The following MBD5 variants were observed in gnomAD, a reference collection of about 807,000 sequenced individuals.
MBD5 encodes methyl-CpG-binding domain protein 5.
MBD5 carries 13 observed loss-of-function variants against 117.3 expected under a neutral mutation model. The observed-to-expected ratio is 0.11, with a 90% CI of 0.07 to 0.18. The LOEUF is 0.18. Among genes scored for constraint, MBD5 ranks in the 10% least tolerant of loss-of-function variants. The pLI is 1.00. For missense variants in MBD5, 1,879 were observed against 2,093.8 expected, an observed-to-expected ratio of 0.90 and a Z score of 2.00; for synonymous variants, 727 against 766.4, an observed-to-expected ratio of 0.95 and a Z score of 0.85.
At chr2:148,295,958 AAC>A (rs1174373713) in intron 3 of MBD5, 1 of 159,772 alleles carries the variant, frequency 6.3e-6, no homozygotes, top group East Asian at 1.9e-4. Context: ...TATTTGCTAC[AAC>A]ACTCTTCACA....
chr2:148,040,537 A>G (rs2105673511), intron 1 of MBD5, among the ~76,000 whole-genome samples: 1 of 152,346 alleles, frequency 6.6e-6, no homozygotes, highest in Non-Finnish European at 1.5e-5. Flanking sequence ...TATTTATATC[A>G]TTAATTCATA....
chr2:148,266,787 T>C (rs1038999556), intron 3 of MBD5, among the ~76,000 whole-genome samples: 1 of 152,140 alleles, frequency 6.6e-6, no homozygotes, highest in Admixed American at 6.6e-5. Flanking sequence ...ACAATTTATC[T>C]GAAGAAAACT....
At chr2:148,356,016 T>C (rs1282372870) in intron 4 of MBD5, among the ~76,000 whole-genome samples, 1 of 152,222 alleles carries the variant, frequency 6.6e-6, no homozygotes, top group Non-Finnish European at 1.5e-5. Flanking sequence ...TTTGTAGTTC[T>C]ACTTGAAGAG....
At chr2:148,147,838 C>T (rs985220953) in intron 1 of MBD5, among the ~76,000 whole-genome samples, 1 of 152,080 alleles carries the variant, frequency 6.6e-6, no homozygotes, top group Non-Finnish European at 1.5e-5. Flanking sequence ...ACTACTCTGT[C>T]TTAGCCTTAG....
chr2:148,392,513 G>A (rs1704596521), intron 4 of MBD5, among the ~76,000 whole-genome samples: 2 of 152,182 alleles, frequency 1.3e-5, no homozygotes, highest in Non-Finnish European at 2.9e-5. Flanking sequence ...GCTACTGTTT[G>A]AGAGCCACTT....
chr2:148,393,750 T>C (rs1574375025), intron 4 of MBD5, among the ~76,000 whole-genome samples: 1 of 152,160 alleles, frequency 6.6e-6, no homozygotes, highest in Admixed American at 6.5e-5. Context: ...TTACCAACTT[T>C]GATAGACACA....
chr2:148,235,070 G>A (rs1400867101), intron 3 of MBD5, among the ~76,000 whole-genome samples: 2 of 152,012 alleles, frequency 1.3e-5, no homozygotes, highest in Non-Finnish European at 2.9e-5. Flanking sequence ...TGCAGTTTTT[G>A]CATATAACTC....
At chr2:148,172,255 G>A (rs1370033954) in intron 1 of MBD5, among the ~76,000 whole-genome samples, 3 of 152,226 alleles carry the variant, frequency 2.0e-5, no homozygotes, top group Admixed American at 6.5e-5. Flanking sequence ...TCAGAAGCCT[G>A]GGAAGCCCAC....
At chr2:148,224,965 G>A (rs956523640) in intron 2 of MBD5, among the ~76,000 whole-genome samples, 1 of 151,944 alleles carries the variant, frequency 6.6e-6, no homozygotes, top group Non-Finnish European at 1.5e-5. Context: ...TATAGGTGAA[G>A]TGTATTTCTC....
At chr2:148,109,466 A>G (rs1216869399) in intron 1 of MBD5, among the ~76,000 whole-genome samples, 2 of 152,194 alleles carry the variant, frequency 1.3e-5, no homozygotes, top group Non-Finnish European at 2.9e-5. Context: ...AATAGCCATG[A>G]TATATAGCAA....
intron 2 of MBD5, 72 bp downstream of exon 2, chr2:148,178,865 G>A (rs1360251755): frequency 2.5e-6 from 1 of 395,302 alleles, no homozygotes; most frequent in Non-Finnish European, 4.5e-6. Flanking sequence ...AATTCGACTT[G>A]TTAAACTTGT....
intron 3 of MBD5, among the ~76,000 whole-genome samples, chr2:148,234,494 C>A (rs1700051684): frequency 6.6e-6 from 1 of 152,116 alleles, no homozygotes; most frequent in African/African-American, 2.4e-5. Flanking sequence ...TCAATTTATT[C>A]TGCAACTTTT....
At position 148,468,775 on chromosome 2, in the gene MBD5, G is replaced by C. The variant is rs531157663; in HGVS notation, c.832G>C (p.Val278Leu). The C allele has an allele frequency of 6.2e-7, 1 of 1,613,886 alleles. No individual in the cohort carries two copies. Among genetic ancestry groups the C allele is most frequent in the African/African-American group, 1.3e-5 (1 of 74,992 alleles). ...LNRTPLSPPSVMLHGSPVQSS... is the reference protein window; with the variant it reads ...LNRTPLSPPSLMLHGSPVQSS... ...TAGGACTCCTCTTTCTCCACCTTCA[G>C]TAATGCTACATGGTTCTCCTGTACA... The change falls in exon 8 of 14, where the codon GTA becomes CTA. Residue 278 changes from valine (V) to leucine (L), a missense_variant. By Grantham distance (32) the Val-to-Leu change is conservative. This residue lies in a region of MBD5 where 1,666 missense variants were observed against 1,792.2 expected (regional missense o/e 0.93). Transcript: ENST00000642680.
intron 3 of MBD5, among the ~76,000 whole-genome samples, chr2:148,323,307 T>C (rs375399523): frequency 1.1e-4 from 17 of 152,148 alleles, no homozygotes; most frequent in African/African-American, 3.9e-4. Flanking sequence ...AATAAACATA[T>C]GTGTGCATGT....
At chr2:148,208,385 C>G (rs189597223) in intron 2 of MBD5, among the ~76,000 whole-genome samples, 4 of 152,116 alleles carry the variant, frequency 2.6e-5, no homozygotes, top group Non-Finnish European at 5.9e-5. Flanking sequence ...TCCCAAGTAG[C>G]TGGGACTACA....
At chr2:148,186,052 T>C (rs1205150026) in intron 2 of MBD5, among the ~76,000 whole-genome samples, 1 of 152,246 alleles carries the variant, frequency 6.6e-6, no homozygotes, top group Non-Finnish European at 1.5e-5. Flanking sequence ...AAAGGATGAC[T>C]GGAGCTGGCA....
chr2:148,158,687 C>T (rs1697929490), intron 1 of MBD5, among the ~76,000 whole-genome samples: 1 of 151,876 alleles, frequency 6.6e-6, no homozygotes, highest in African/African-American at 2.4e-5. Flanking sequence ...TGTTCACATC[C>T]ATTATTTCCT....
intron 3 of MBD5, among the ~76,000 whole-genome samples, chr2:148,332,905 G>A (rs538072179): frequency 1.1e-4 from 17 of 151,624 alleles, no homozygotes; most frequent in Middle Eastern, 3.4e-3. Context: ...CTGTTATTTG[G>A]ATGTTGAACC....
chr2:148,358,847 CTT>C (rs1703453026), intron 4 of MBD5, among the ~76,000 whole-genome samples: 1 of 152,058 alleles, frequency 6.6e-6, no homozygotes, highest in South Asian at 2.1e-4. Flanking sequence ...TGAAGTGACT[CTT>C]TTCAGAAATA....
Sources: gnomAD v4.1 joint callset for allele counts (sites outside exome capture counted in the v4.1 genomes callset) on GRCh38, gnomAD v4.1.1 for gene constraint, gnomAD v4.1.1 regional missense constraint, MANE v1.5 for transcripts, NCBI Gene and HGNC (gene_info 2026-07-23, HGNC 2026-07-21) for gene names.